MYO1B: variants seen among roughly 807,000 people sequenced by gnomAD.
The protein encoded by MYO1B is unconventional myosin-Ib.
Under a neutral mutation model 159.7 loss-of-function variants are expected in MYO1B, and 72 were observed. The ratio of observed to expected loss-of-function variants is 0.45; its 90% confidence interval spans 0.37 to 0.55. MYO1B has a LOEUF of 0.55. Ranked by LOEUF, MYO1B falls within the 20% of genes least tolerant of loss-of-function variation. MYO1B has a pLI of 0.00. For missense variants in MYO1B, 1,062 were observed against 1,364.8 expected (o/e 0.78, Z 3.50); for synonymous variants, 468 against 473.8 (o/e 0.99, Z 0.16).
chr2:191,387,374 A>G lies in MYO1B; in HGVS notation c.1705A>G (p.Thr569Ala). Reference protein sequence around the residue: ...PAKINLKRPPTAGSQFKASVA... With the variant: ...PAKINLKRPPAAGSQFKASVA... ...CAAGATCAACCTGAAAAGGCCTCCT[A>G]CAGCAGGCTCACAGTTCAAGGCATC... is the stretch of plus-strand genomic sequence containing the variant. The change falls in exon 17 of 31, where the codon ACA becomes GCA. Residue 569 changes from threonine to alanine, a missense_variant. Thr to Ala is a moderately conservative substitution (Grantham distance 58). This residue lies in a region of MYO1B where 609 missense variants were observed against 744.4 expected (regional missense o/e 0.82). Coordinates refer to ENST00000392318, the MANE Select transcript of MYO1B (RefSeq NM_001130158.3). 6.2e-7 allele frequency: 1 copy of G among 1,614,176 alleles called. No individual in the cohort carries two copies.
intron 11 of MYO1B, 73 bp downstream of exon 11, chr2:191,364,349 G>T (rs1693861604): frequency 8.0e-7 from 1 of 1,248,992 alleles, no homozygotes; most frequent in South Asian, 1.2e-5. Context: ...TATAAACAAA[G>T]ATTTTAGTTT....
chr2:191,308,603 G>C (rs1179831874), intron 3 of MYO1B, among the ~76,000 whole-genome samples: 1 of 151,846 alleles, frequency 6.6e-6, no homozygotes, highest in African/African-American at 2.4e-5. Flanking sequence ...TGTTTCTCTT[G>C]ATTTCACATC....
intron 2 of MYO1B, among the ~76,000 whole-genome samples, chr2:191,286,259 T>C (rs77404164): frequency 1.3e-5 from 2 of 152,128 alleles, no homozygotes; most frequent in African/African-American, 2.4e-5. Flanking sequence ...CTTATACTTG[T>C]AATTTTTACT....
At chr2:191,368,395 C>G (rs931752966) in intron 11 of MYO1B, among the ~76,000 whole-genome samples, 1 of 152,192 alleles carries the variant, frequency 6.6e-6, no homozygotes, top group Non-Finnish European at 1.5e-5. Flanking sequence ...GCTGCTGACA[C>G]CCAACCTCCA....
chr2:191,309,437 A>G (rs1459230144), intron 3 of MYO1B, among the ~76,000 whole-genome samples: 3 of 151,510 alleles, frequency 2.0e-5, no homozygotes, highest in Non-Finnish European at 1.5e-5. Flanking sequence ...CCTCCCCTCA[A>G]CCGCCAACTT....
At chr2:191,282,683 T>C (rs1688133745) in intron 2 of MYO1B, among the ~76,000 whole-genome samples, 2 of 152,092 alleles carry the variant, frequency 1.3e-5, no homozygotes, top group Admixed American at 6.5e-5. Flanking sequence ...TGTTCTAGAG[T>C]TGGAAGTAGG....
chr2:191,423,353 G>C (rs938828890), intron 30 of MYO1B, among the ~76,000 whole-genome samples: 15 of 152,050 alleles, frequency 9.9e-5, no homozygotes, highest in East Asian at 1.9e-4. Flanking sequence ...CAGTATAAAA[G>C]ACAAAAAAAT....
At chr2:191,403,747 TAAG>T (rs984475239) in intron 24 of MYO1B, among the ~76,000 whole-genome samples, 7 of 152,236 alleles carry the variant, frequency 4.6e-5, no homozygotes, top group Non-Finnish European at 8.8e-5. Context: ...TTGAAGTAAT[TAAG>T]AAGTAACTTA....
At chr2:191,400,942 C>A in intron 23 of MYO1B, 107 bp downstream of exon 23, 1 of 1,063,532 alleles carries the variant, frequency 9.4e-7, no homozygotes, top group Non-Finnish European at 1.4e-6. Context: ...GTGGCTCACA[C>A]TGGTGCATGT....
At chr2:191,412,164 A>C (rs1395425835) in intron 27 of MYO1B, among the ~76,000 whole-genome samples, 1 of 152,230 alleles carries the variant, frequency 6.6e-6, no homozygotes, top group Non-Finnish European at 1.5e-5. Flanking sequence ...TAAGTCAAAC[A>C]CAGTGTCTAA....
intron 30 of MYO1B, 82 bp downstream of exon 30, chr2:191,416,324 A>T: frequency 6.6e-7 from 1 of 1,505,810 alleles, no homozygotes; most frequent in South Asian, 1.2e-5. Flanking sequence ...ATTCATTAAT[A>T]CAACTACTTA....
rs528922547 is a variant in MYO1B at position 191,272,991 on chromosome 2, A to G, written c.-9-3896A>G. Among the ~76,000 whole-genome samples the G allele has an allele frequency of 6.6e-5, 10 of 152,362 alleles. No homozygotes were observed. The South Asian group carries it at 2.1e-3, about 32-fold the overall frequency. On this transcript the variant is annotated intron_variant, in intron 1 of 30. Coordinates refer to ENST00000392318, the MANE Select transcript of MYO1B (RefSeq NM_001130158.3). ...AAATACAACTCAAACAGCTTAGACA[A>G]TAAAGAGAACTAATTGGCTTACATC... is the stretch of plus-strand genomic sequence containing the variant.
At chr2:191,310,705 A>G (rs1284980791) in intron 3 of MYO1B, among the ~76,000 whole-genome samples, 1 of 152,240 alleles carries the variant, frequency 6.6e-6, no homozygotes, top group Non-Finnish European at 1.5e-5. Context: ...AAGGATTATG[A>G]AGGTTATTCC....
Position 191,416,245 on chromosome 2 carries a change from A to G in MYO1B, c.3287+3A>G. ...CTCAATATTGAGATTTCCGATGAGT[A>G]CGTTCATGTATTGTTTGAAAACCCT... On this transcript the variant is annotated splice_donor_region_variant and intron_variant, in intron 30 of 30. Transcript: ENST00000392318. 1 of 1,614,146 alleles carries G rather than the reference A, an allele frequency of 6.2e-7. No homozygotes were observed. The highest frequency in any genetic ancestry group is 2.2e-5 in the East Asian group (1 of 44,858).
chr2:191,317,181 G>C (rs1690406212), intron 3 of MYO1B, among the ~76,000 whole-genome samples: 1 of 152,190 alleles, frequency 6.6e-6, no homozygotes, highest in Non-Finnish European at 1.5e-5. Context: ...TTTGCATCCT[G>C]TCCAATGCTG....
At position 191,360,623 on chromosome 2, in the gene MYO1B, C is replaced by T. The variant is rs371463948; in HGVS notation, c.563-8C>T. 1.1e-5 allele frequency: 17 copies of T among 1,578,062 alleles called. No individual in the cohort carries two copies. In the African/African-American group the frequency reaches 2.3e-4, roughly 21 times the overall value. On this transcript the variant is annotated splice_polypyrimidine_tract_variant and splice_region_variant and intron_variant, in intron 7 of 30. Transcript: ENST00000392318. The stretch of plus-strand genomic sequence containing the variant: ...AATGCCATACTATGATTTAACTCTT[C>T]TCTTTAGATCTTTTAGAGAAATCTC...
At chr2:191,401,908 G>C (rs1018306151) in intron 23 of MYO1B, 1 of 152,284 alleles carries the variant, frequency 6.6e-6, no homozygotes, top group Non-Finnish European at 1.5e-5. Context: ...TGAACAATCA[G>C]TGCCTATTTG....
intron 24 of MYO1B, among the ~76,000 whole-genome samples, chr2:191,403,188 G>A (rs73984132): frequency 5.3e-4 from 81 of 152,180 alleles, no homozygotes; most frequent in Non-Finnish European, 9.8e-4. Context: ...ATTGTTCAGC[G>A]TTGGAACCAA....
chr2:191,398,633 C>T (rs1219594355), intron 21 of MYO1B, among the ~76,000 whole-genome samples: 1 of 148,430 alleles, frequency 6.7e-6, no homozygotes, highest in African/African-American at 2.5e-5. Flanking sequence ...CCAGACAGGG[C>T]GGCGGGGCAG....
Sources: allele counts gnomAD v4.1 joint callset (sites outside exome capture counted in the v4.1 genomes callset), GRCh38; gene constraint gnomAD v4.1.1; regional missense constraint gnomAD v4.1.1; transcripts MANE v1.5; gene names NCBI Gene and HGNC (gene_info 2026-07-23, HGNC 2026-07-21).